Variants in SRGAP3 observed in about 807,000 individuals in gnomAD.
The protein encoded by SRGAP3 is SLIT-ROBO Rho GTPase-activating protein 3.
Under a neutral mutation model 121.1 loss-of-function variants are expected in SRGAP3, and 39 were observed. That is an observed-to-expected ratio of 0.32 (90% CI 0.25 to 0.42). The LOEUF is 0.42. Among genes scored for constraint, SRGAP3 ranks in the 10% least tolerant of loss-of-function variants. The probability of loss-of-function intolerance (pLI) is 1.00; values close to 1 mark genes in which losing one functional copy is unlikely to be tolerated. For missense variants in SRGAP3, 1,213 were observed against 1,470.6 expected (o/e 0.82, Z 2.86); for synonymous variants, 601 against 570.0 (o/e 1.05, Z -0.77).
intron 3 of SRGAP3, among the ~76,000 whole-genome samples, chr3:9,285,028 G>C (rs960645282): frequency 6.6e-6 from 1 of 152,102 alleles, no homozygotes; most frequent in African/African-American, 2.4e-5. Flanking sequence ...AGACCTCACA[G>C]GGATCACTAC....
chr3:9,225,252 C>A (rs1426792388), intron 1 of SRGAP3, among the ~76,000 whole-genome samples: 1 of 152,148 alleles, frequency 6.6e-6, no homozygotes, highest in Non-Finnish European at 1.5e-5. Context: ...TCTGTCTCAG[C>A]CACTTCCAGG....
At chr3:9,310,887 C>T (rs1169758400) in intron 3 of SRGAP3, among the ~76,000 whole-genome samples, 3 of 152,016 alleles carry the variant, frequency 2.0e-5, no homozygotes, top group African/African-American at 2.4e-5. Context: ...TATATACAGT[C>T]GGCCAGGTGC....
At chr3:9,164,465 C>A (rs1212686116) in intron 1 of SRGAP3, among the ~76,000 whole-genome samples, 2 of 151,790 alleles carry the variant, frequency 1.3e-5, no homozygotes, top group African/African-American at 4.8e-5. Context: ...AATTTTTGTA[C>A]TTTTGGGAGA....
At chr3:9,065,562 T>C (rs965813419) in intron 4 of SRGAP3, 1 of 152,240 alleles carries the variant, frequency 6.6e-6, no homozygotes, top group African/African-American at 2.4e-5. Flanking sequence ...GTTTTGTGTG[T>C]TCTAGAATCC....
chr3:9,026,823 C>T lies in SRGAP3; in HGVS notation c.1600+112G>A, dbSNP rs1574934159. On this transcript the variant is annotated intron_variant, in intron 13 of 21. Coordinates refer to ENST00000383836, the MANE Select transcript of SRGAP3 (RefSeq NM_014850.4). Reference sequence around the variant, plus strand: ...TGTGCAGTACTTTCCCCCTCCAAAGCAGAGCTGTGACGGGAAGTCTTCCAG... The same window carrying T: ...TGTGCAGTACTTTCCCCCTCCAAAGTAGAGCTGTGACGGGAAGTCTTCCAG... The T allele has an allele frequency of 2.3e-5, 28 of 1,207,578 alleles. No individual in the cohort carries two copies. The East Asian group carries it at 6.5e-4, about 28-fold the overall frequency. 74.8% of individuals were successfully genotyped at this position (1,207,578 alleles called of 1,614,324 possible).
chr3:9,353,613 A>G (rs2030318368), intron 1 of SRGAP3, among the ~76,000 whole-genome samples: 1 of 152,258 alleles, frequency 6.6e-6, no homozygotes, highest in South Asian at 2.1e-4. Flanking sequence ...GCACGGGAAA[A>G]GTAAATAAGC....
intron 1 of SRGAP3, among the ~76,000 whole-genome samples, chr3:9,180,650 C>T (rs1178243938): frequency 6.6e-6 from 1 of 152,238 alleles, no homozygotes; most frequent in African/African-American, 2.4e-5. Flanking sequence ...AGCATCCTCT[C>T]TAAGTCCTAC....
chr3:9,146,391 A>G (rs936478258), intron 1 of SRGAP3, among the ~76,000 whole-genome samples: 1 of 152,196 alleles, frequency 6.6e-6, no homozygotes, highest in Non-Finnish European at 1.5e-5. Context: ...CTGCTGCTAT[A>G]ATAGCAGGGA....
intron 18 of SRGAP3, among the ~76,000 whole-genome samples, chr3:9,002,122 G>A (rs1259383700): frequency 1.3e-5 from 2 of 152,100 alleles, no homozygotes; most frequent in Non-Finnish European, 2.9e-5. Flanking sequence ...CTTTCTAACT[G>A]CACATGGAAC....
intron 1 of SRGAP3, among the ~76,000 whole-genome samples, chr3:9,142,757 A>C (rs188957700): frequency 2.7e-5 from 4 of 150,508 alleles, no homozygotes; most frequent in Admixed American, 2.0e-4. Flanking sequence ...TGCAGAAAGC[A>C]AGGTAGTTGG....
chr3:9,111,212 G>T (rs1340200017), intron 2 of SRGAP3, among the ~76,000 whole-genome samples: 2 of 152,254 alleles, frequency 1.3e-5, no homozygotes, highest in Admixed American at 1.3e-4. Context: ...TGTGGGTAGA[G>T]TTAGAAGTGC....
chr3:9,010,106 G>A (rs341787), intron 18 of SRGAP3, among the ~76,000 whole-genome samples: 2,727 of 152,116 alleles, frequency 0.018, 80 homozygotes, highest in African/African-American at 0.06. Context: ...GAGCCTATGA[G>A]GATCTGCTCT....
chr3:9,327,716 T>C (rs754649745), intron 2 of SRGAP3, among the ~76,000 whole-genome samples: 1 of 152,220 alleles, frequency 6.6e-6, no homozygotes, highest in African/African-American at 2.4e-5. Context: ...TTAAAAGTCA[T>C]AGTAGCATTT....
In SRGAP3 at chr3:9,310,742, G is replaced by A. The variant is rs184115151; in HGVS notation, n.442+15268C>T. Among the ~76,000 whole-genome samples the A allele has an allele frequency of 1.3e-3, 197 of 152,306 alleles. 2 individuals carry two copies. In the South Asian group the frequency reaches 0.025, roughly 19 times the overall value. On this transcript the variant is annotated intron_variant and non_coding_transcript_variant, in intron 3 of 3. Transcript: ENST00000490889. ...AACTAGGTCTTTAGGGACATTATTT[G>A]AGAGGTCAACTCAAACCTCACCTGA...
At chr3:9,102,962 A>C (rs1406217273) in intron 3 of SRGAP3, among the ~76,000 whole-genome samples, 1 of 152,226 alleles carries the variant, frequency 6.6e-6, no homozygotes, top group Non-Finnish European at 1.5e-5. Context: ...CCAACAGTCC[A>C]AACTTGCAGA....
intron 2 of SRGAP3, among the ~76,000 whole-genome samples, chr3:9,105,602 G>T (rs772678288): frequency 1.3e-5 from 2 of 152,180 alleles, no homozygotes; most frequent in African/African-American, 4.8e-5. Flanking sequence ...CAGACCTGCT[G>T]AGTCACACAC....
chr3:9,314,998 C>G (rs1262310487), intron 3 of SRGAP3, among the ~76,000 whole-genome samples: 1 of 152,216 alleles, frequency 6.6e-6, no homozygotes, highest in Non-Finnish European at 1.5e-5. Context: ...TTGAAAGTAA[C>G]AGGAAACCCA....
intron 1 of SRGAP3, among the ~76,000 whole-genome samples, chr3:9,227,007 C>T (rs1389855260): frequency 6.6e-6 from 1 of 152,140 alleles, no homozygotes; most frequent in Non-Finnish European, 1.5e-5. Flanking sequence ...CACCTGCCCA[C>T]AGGAGCCAAG....
At chr3:9,326,306 G>T (rs150124353) in intron 2 of SRGAP3, 17 of 151,946 alleles carry the variant, frequency 1.1e-4, no homozygotes, top group Admixed American at 2.6e-4. Context: ...CAGAAAACAT[G>T]CACTGAAAAT....
Sources: allele counts gnomAD v4.1 joint callset (sites outside exome capture counted in the v4.1 genomes callset), GRCh38; gene constraint gnomAD v4.1.1; transcripts MANE v1.5; gene names NCBI Gene and HGNC (gene_info 2026-07-23, HGNC 2026-07-21).